The following SLC25A53 variants were observed in gnomAD, a reference collection of about 807,000 sequenced individuals.
SLC25A53 encodes the protein mitochondrial carrier triple repeat protein 6.
SLC25A53 carries 5 observed loss-of-function variants against 15.0 expected under a neutral mutation model. The ratio of observed to expected loss-of-function variants is 0.33; its 90% CI spans 0.17 to 0.70. SLC25A53 has a LOEUF of 0.70. Ranked by LOEUF, SLC25A53 falls within the 30% of genes least tolerant of loss-of-function variation. The probability of loss-of-function intolerance (pLI) is 0.67; values close to 1 mark genes in which losing one functional copy is unlikely to be tolerated. For synonymous variants in SLC25A53, 95 were observed against 100.0 expected, an observed-to-expected ratio of 0.95 and a Z score of 0.30; for missense variants, 216 against 241.6, an observed-to-expected ratio of 0.89 and a Z score of 0.70.
intron 1 of SLC25A53, among the ~76,000 whole-genome samples, chrX:104,122,304 G>GT (rs1264243091): frequency 0.053 from 4,036 of 76,829 alleles, 194 homozygotes; most frequent in African/African-American, 0.14. Flanking sequence ...TCTTTTTTTT[G>GT]TTTTTTTTTT....
intron 1 of SLC25A53, among the ~76,000 whole-genome samples, chrX:104,151,216 C>A (rs1450783497): frequency 9.0e-6 from 1 of 111,473 alleles, no homozygotes; most frequent in Non-Finnish European, 1.9e-5. Context: ...AACAGCTGCC[C>A]TGTCCCCAGC....
intron 1 of SLC25A53, among the ~76,000 whole-genome samples, chrX:104,130,007 A>T (rs2075421651): frequency 9.1e-6 from 1 of 109,568 alleles, no homozygotes; most frequent in African/African-American, 3.3e-5. Flanking sequence ...CATAAGACAA[A>T]GTTTTGTAAA....
intron 1 of SLC25A53, among the ~76,000 whole-genome samples, chrX:104,136,090 T>C (rs1444124651): frequency 1.8e-5 from 2 of 111,445 alleles, no homozygotes; most frequent in African/African-American, 6.5e-5. Flanking sequence ...CTATATAAAA[T>C]GGCTCACAAC....
At chrX:104,150,937 T>A (rs1393743577) in intron 1 of SLC25A53, among the ~76,000 whole-genome samples, 5 of 111,290 alleles carry the variant, frequency 4.5e-5, no homozygotes, top group African/African-American at 1.6e-4. Flanking sequence ...TGACGACTCC[T>A]CTAAGGACCT....
chrX:104,138,349 A>G (rs2075442229), intron 1 of SLC25A53, among the ~76,000 whole-genome samples: 1 of 112,388 alleles, frequency 8.9e-6, no homozygotes, highest in African/African-American at 3.2e-5. Flanking sequence ...AGAGGTTGTG[A>G]AAAAGGAAAA....
Position 104,153,710 on chromosome X carries a change from C to T in SLC25A53, c.-32+3168G>A, listed in dbSNP as rs782820749. Among the ~76,000 whole-genome samples the T allele has an allele frequency of 3.6e-5, 4 of 112,341 alleles. No homozygotes were observed. The South Asian group carries it at 1.5e-3, about 41-fold the overall frequency. Reference sequence around the variant, plus strand: ...AAGGGATTTGAATAGAAAACTGCTACTTTGTGTTTTTAAACAATTTATGGT... The same window carrying T: ...AAGGGATTTGAATAGAAAACTGCTATTTTGTGTTTTTAAACAATTTATGGT... On this transcript the variant is annotated intron_variant, in intron 1 of 1. Transcript: ENST00000594199.
chrX:104,114,955 G>A (rs782551607), intron 1 of SLC25A53: 14 of 1,196,883 alleles, frequency 1.2e-5, no homozygotes, highest in East Asian at 3.0e-5. Context: ...TGTGATCCTG[G>A]TGGTGTCTCT....
chrX:104,117,971 C>A (rs1003209440), intron 1 of SLC25A53, among the ~76,000 whole-genome samples: 1 of 111,543 alleles, frequency 9.0e-6, no homozygotes, highest in Non-Finnish European at 1.9e-5. Flanking sequence ...TCCTTCCCCC[C>A]CATCCTGTCC....
intron 1 of SLC25A53, among the ~76,000 whole-genome samples, chrX:104,128,564 C>A (rs1392998571): frequency 9.0e-6 from 1 of 111,646 alleles, no homozygotes; most frequent in Non-Finnish European, 1.9e-5. Flanking sequence ...ACAAATCCAA[C>A]CTCATGGAGA....
chrX:104,155,091 A>G (rs935127568), intron 1 of SLC25A53, among the ~76,000 whole-genome samples: 6 of 111,306 alleles, frequency 5.4e-5, no homozygotes, highest in Non-Finnish European at 1.1e-4. Context: ...ATTTTATTTC[A>G]TATCTACTGT....
rs560853082 is a variant in SLC25A53, at chrX:104,131,401, C to A, written c.-32+25477G>T. Among the ~76,000 whole-genome samples the A allele has an allele frequency of 4.5e-5, 5 of 111,683 alleles. No homozygotes were observed. The East Asian group carries it at 8.5e-4, about 19-fold the overall frequency. Reference sequence around the variant, plus strand: ...TACTTGGAGGCTTGGTTGATAGGAGCCACATGTTACAGACTACCGCCCCCA... The same window carrying A: ...TACTTGGAGGCTTGGTTGATAGGAGACACATGTTACAGACTACCGCCCCCA... On this transcript the variant is annotated intron_variant, in intron 1 of 1. Transcript: ENST00000594199.
intron 1 of SLC25A53, among the ~76,000 whole-genome samples, chrX:104,126,273 C>T (rs1283292279): frequency 9.0e-6 from 1 of 111,471 alleles, no homozygotes; most frequent in Non-Finnish European, 1.9e-5. Flanking sequence ...CACATCACTG[C>T]ACTCCAGTCT....
intron 1 of SLC25A53, among the ~76,000 whole-genome samples, chrX:104,106,994 T>A (rs782388035): frequency 7.9e-4 from 61 of 77,326 alleles, no homozygotes; most frequent in African/African-American, 2.9e-3. Flanking sequence ...ATCCCCACAA[T>A]CTCATTCCTA....
chrX:104,126,883 G>A (rs982143955), intron 1 of SLC25A53, among the ~76,000 whole-genome samples: 1 of 111,956 alleles, frequency 8.9e-6, no homozygotes, highest in East Asian at 2.8e-4. Flanking sequence ...AGAAAAAATG[G>A]ATCTCTCATA....
Position 104,148,484 on chromosome X carries a change from C to A in SLC25A53, c.-32+8394G>T, listed in dbSNP as rs782212580. Among the ~76,000 whole-genome samples, 5 of 108,716 alleles carry A rather than the reference C, an allele frequency of 4.6e-5. No homozygotes were observed. In the East Asian group the frequency reaches 1.5e-3, roughly 32 times the overall value. The allele number at this position is 108,716 out of a possible 115,157, so 94.4% of individuals were successfully genotyped here. On this transcript the variant is annotated intron_variant, in intron 1 of 1. Transcript: ENST00000594199. ...AAAAGAAAATGTGGCACATATACAC[C>A]GTGGAATACTATGCAGCCATAAAAA...
At chrX:104,127,687 G>T (rs929649247) in intron 1 of SLC25A53, among the ~76,000 whole-genome samples, 1 of 112,102 alleles carries the variant, frequency 8.9e-6, no homozygotes, top group Non-Finnish European at 1.9e-5. Context: ...CGTGGGGCTG[G>T]GTGTGGTGGC....
chrX:104,109,041 G>A (rs1215765623), intron 1 of SLC25A53, among the ~76,000 whole-genome samples: 6 of 112,067 alleles, frequency 5.4e-5, no homozygotes, highest in Admixed American at 2.8e-4. Flanking sequence ...TATTCCACCT[G>A]AGAAGGGGCA....
chrX:104,147,204 G>A (rs1305634463), intron 1 of SLC25A53, among the ~76,000 whole-genome samples: 1 of 111,277 alleles, frequency 9.0e-6, no homozygotes, highest in African/African-American at 3.3e-5. Context: ...CAATGGGGAA[G>A]GGATTCCCTA....
At chrX:104,118,228 C>G (rs1418729235) in intron 1 of SLC25A53, among the ~76,000 whole-genome samples, 10 of 112,005 alleles carry the variant, frequency 8.9e-5, no homozygotes, top group African/African-American at 2.6e-4. Context: ...TCCCTTCATT[C>G]TCATTAGTCG....
Sources: gnomAD v4.1 joint callset for allele counts (sites outside exome capture counted in the v4.1 genomes callset) on GRCh38, gnomAD v4.1.1 for gene constraint, MANE v1.5 for transcripts, NCBI Gene and HGNC (gene_info 2026-07-23, HGNC 2026-07-21) for gene names.